EMCN: variants seen among roughly 807,000 people sequenced by gnomAD.
The protein encoded by EMCN is MUC-14.
Under a neutral mutation model 38.4 loss-of-function variants are expected in EMCN, and 37 were observed. The observed-to-expected ratio is 0.96, with a 90% confidence interval of 0.74 to 1.27. EMCN has a LOEUF of 1.27. EMCN is among the 50% of genes most tolerant of loss of function. The pLI is 0.00. For synonymous variants in EMCN, 95 were observed against 100.8 expected, an observed-to-expected ratio of 0.94 and a Z score of 0.35; for missense variants, 318 against 302.8, an observed-to-expected ratio of 1.05 and a Z score of -0.37.
chr4:100,516,324 C>G (rs1439427435), intron 1 of EMCN, among the ~76,000 whole-genome samples: 1 of 152,046 alleles, frequency 6.6e-6, no homozygotes, highest in Non-Finnish European at 1.5e-5. Context: ...TTCGGAAGAA[C>G]GAATGATCTA....
chr4:100,418,002 A>G (rs1449890002), intron 8 of EMCN, among the ~76,000 whole-genome samples: 1 of 151,996 alleles, frequency 6.6e-6, no homozygotes, highest in African/African-American at 2.4e-5. Flanking sequence ...CCTGGCTTTG[A>G]CTATCCTTGT....
In EMCN at chr4:100,504,951, A is replaced by T. The variant is rs532419549; in HGVS notation, c.64+12900T>A. On this transcript the variant is annotated intron_variant, in intron 1 of 11. Transcript: ENST00000296420. ...AGTCTGCTTTCATGTTCCATCCTAT[A>T]CACCTGGCTCTCCCTTTTAGATAGC... 1.1e-4 allele frequency among the ~76,000 whole-genome samples: 17 copies of T among 152,282 alleles called. 1 individual carries two copies. The South Asian group carries it at 3.5e-3, about 32-fold the overall frequency.
At chr4:100,410,446 A>G in intron 10 of EMCN, 91 bp from the exon 11 acceptor site, 4 of 1,303,378 alleles carry the variant, frequency 3.1e-6, no homozygotes, top group South Asian at 1.3e-5. Context: ...TTTTTCAAGG[A>G]AAGTTCAACT....
At chr4:100,420,632 A>T (rs1726862920) in intron 8 of EMCN, among the ~76,000 whole-genome samples, 1 of 152,004 alleles carries the variant, frequency 6.6e-6, no homozygotes, top group African/African-American at 2.4e-5. Context: ...GACTAAAAGA[A>T]ATCAGAATTT....
intron 1 of EMCN, among the ~76,000 whole-genome samples, chr4:100,485,442 T>A (rs2110286520): frequency 6.6e-6 from 1 of 152,164 alleles, no homozygotes. Flanking sequence ...AAATTGGGAC[T>A]TATAAATGGT....
At chr4:100,471,523 T>TA (rs1370230854) in intron 3 of EMCN, among the ~76,000 whole-genome samples, 2 of 151,928 alleles carry the variant, frequency 1.3e-5, no homozygotes, top group African/African-American at 4.8e-5. Context: ...AAAGAGCAAT[T>TA]ACCACCAATC....
At chr4:100,422,954 C>T in intron 7 of EMCN, 67 bp downstream of exon 7, 1 of 1,494,830 alleles carries the variant, frequency 6.7e-7, no homozygotes. Context: ...GATTCCTCTC[C>T]TTTACTGGTC....
chr4:100,448,605 A>C (rs184182366), intron 4 of EMCN, among the ~76,000 whole-genome samples: 1 of 152,218 alleles, frequency 6.6e-6, no homozygotes, highest in Non-Finnish European at 1.5e-5. Flanking sequence ...TCCACCCAGC[A>C]CCTGTATCTC....
At chr4:100,458,090 T>C (rs981215829) in intron 4 of EMCN, among the ~76,000 whole-genome samples, 5 of 151,932 alleles carry the variant, frequency 3.3e-5, no homozygotes, top group Non-Finnish European at 7.4e-5. Flanking sequence ...CACTCCAGCC[T>C]GGGCAACAGG....
intron 4 of EMCN, among the ~76,000 whole-genome samples, chr4:100,455,371 C>G (rs1289539163): frequency 6.6e-6 from 1 of 152,018 alleles, no homozygotes; most frequent in Non-Finnish European, 1.5e-5. Context: ...TTTACCATTT[C>G]TAATGTTCTT....
intron 3 of EMCN, among the ~76,000 whole-genome samples, chr4:100,466,437 A>G (rs914787532): frequency 6.6e-6 from 1 of 152,212 alleles, no homozygotes; most frequent in Non-Finnish European, 1.5e-5. Flanking sequence ...TGTAATACAA[A>G]TTCTTAGTGC....
chr4:100,428,259 C>T (rs977120617), intron 5 of EMCN, among the ~76,000 whole-genome samples: 12 of 152,138 alleles, frequency 7.9e-5, no homozygotes, highest in Admixed American at 5.2e-4. Context: ...TGCCAGGCCT[C>T]TCCTCAAGTT....
At chr4:100,400,882 C>A (rs1240343902) in intron 11 of EMCN, among the ~76,000 whole-genome samples, 2 of 150,988 alleles carry the variant, frequency 1.3e-5, no homozygotes, top group Non-Finnish European at 3.0e-5. Flanking sequence ...TCAGTCTTTG[C>A]TTTTTTTTTA....
At chr4:100,432,650 A>G (rs1009422058) in intron 5 of EMCN, among the ~76,000 whole-genome samples, 7 of 152,128 alleles carry the variant, frequency 4.6e-5, no homozygotes, top group African/African-American at 1.4e-4. Context: ...ATTTTCCCCA[A>G]TACTTTAAAT....
chr4:100,446,125 TAGTCAATC>T, intron 5 of EMCN: 1 of 985,262 alleles, frequency 1.0e-6, no homozygotes, highest in Non-Finnish European at 1.2e-6. Flanking sequence ...TTCTCCTTGA[TAGTCAATC>T]TGTGAAGCAG....
chr4:100,517,599 T>G (rs577078032), intron 1 of EMCN, among the ~76,000 whole-genome samples: 1 of 152,208 alleles, frequency 6.6e-6, no homozygotes, highest in South Asian at 2.1e-4. Flanking sequence ...CATTGTATAT[T>G]TCCAGTACTT....
rs977912101 is a variant in EMCN at position 100,459,747 on chromosome 4, T to C, written c.376+5676A>G. Among the ~76,000 whole-genome samples, 5 of 152,190 alleles carry C rather than the reference T, an allele frequency of 3.3e-5. No homozygotes were observed. In the East Asian group the frequency reaches 7.7e-4, roughly 23 times the overall value. ...CTAAGTTTATCCGCGCTTTCGCAAA[T>C]GACAGGTTTTCCTTTTTCTTTCCAG... is the stretch of plus-strand genomic sequence containing the variant. On this transcript the variant is annotated intron_variant, in intron 4 of 11. Coordinates refer to ENST00000296420, the MANE Select transcript of EMCN (RefSeq NM_016242.4).
rs1274406736 is a variant in EMCN, at chr4:100,396,154, C to G, written c.*2259G>C. On this transcript the variant is annotated 3_prime_UTR_variant, in exon 12 of 12. Coordinates refer to ENST00000296420, the MANE Select transcript of EMCN (RefSeq NM_016242.4). ...AAGTTTAAGTTGGTTTATAAAAATGCAGACCTTACCTTTGAGATTGATATA... is the reference window on the plus strand; with the variant it reads ...AAGTTTAAGTTGGTTTATAAAAATGGAGACCTTACCTTTGAGATTGATATA... 6.6e-6 allele frequency: 1 copy of G among 152,134 alleles called. No individual in the cohort carries two copies. The highest frequency in any genetic ancestry group is 6.6e-5 in the Admixed American group (1 of 15,256). The allele number at this position is 152,134 out of a possible 1,614,324, so 9.4% of individuals were successfully genotyped here.
chr4:100,438,686 T>C (rs1418256830), intron 5 of EMCN, among the ~76,000 whole-genome samples: 1 of 152,078 alleles, frequency 6.6e-6, no homozygotes, highest in Non-Finnish European at 1.5e-5. Flanking sequence ...AGCTTTAACT[T>C]TTCCCCATTG....
Sources: allele counts gnomAD v4.1 joint callset (sites outside exome capture counted in the v4.1 genomes callset), GRCh38; gene constraint gnomAD v4.1.1; transcripts MANE v1.5; gene names NCBI Gene and HGNC (gene_info 2026-07-23, HGNC 2026-07-21).